Variants in ATP9B observed in about 807,000 individuals in gnomAD.
ATP9B encodes the protein probable phospholipid-transporting ATPase IIB.
Under a neutral mutation model 146.1 loss-of-function variants are expected in ATP9B, and 110 were observed. The observed-to-expected ratio is 0.75, with a 90% CI of 0.65 to 0.88. The LOEUF is 0.88. Among genes scored for constraint, ATP9B ranks in the 40% least tolerant of loss-of-function variants. The pLI is 0.00. For synonymous variants in ATP9B, 604 were observed against 569.7 expected, an observed-to-expected ratio of 1.06 and a Z score of -0.86; for missense variants, 1,499 against 1,496.4, an observed-to-expected ratio of 1.00 and a Z score of -0.03.
At chr18:79,184,530 G>C (rs371360620) in intron 8 of ATP9B, among the ~76,000 whole-genome samples, 11 of 151,730 alleles carry the variant, frequency 7.2e-5, no homozygotes, top group East Asian at 5.8e-4. Flanking sequence ...AAATAAGTCT[G>C]TTCTATTATC....
At chr18:79,127,130 A>G (rs1033140889) in intron 5 of ATP9B, among the ~76,000 whole-genome samples, 2 of 152,218 alleles carry the variant, frequency 1.3e-5, no homozygotes, top group African/African-American at 2.4e-5. Flanking sequence ...GACATTTACA[A>G]TGAATTATTT....
rs563810704 is a variant in ATP9B, at chr18:79,249,348, G to A, written c.1108-4033G>A. ...GACATTATGCACAAATTTTCCCTTGGAGATTAAAATTTGCAGTAGCATATT... is the reference window on the plus strand; with the variant it reads ...GACATTATGCACAAATTTTCCCTTGAAGATTAAAATTTGCAGTAGCATATT... On this transcript the variant is annotated intron_variant, in intron 11 of 29. Coordinates refer to ENST00000426216, the MANE Select transcript of ATP9B (RefSeq NM_198531.5). Among the ~76,000 whole-genome samples, 4 of 152,236 alleles carry A rather than the reference G, an allele frequency of 2.6e-5. No homozygotes were observed. The South Asian group carries it at 8.3e-4, about 32-fold the overall frequency.
At chr18:79,107,169 C>G (rs1286951443) in intron 2 of ATP9B, among the ~76,000 whole-genome samples, 1 of 152,130 alleles carries the variant, frequency 6.6e-6, no homozygotes, top group Non-Finnish European at 1.5e-5. Flanking sequence ...TGAAGCCTGT[C>G]TTGCACCTGT....
intron 9 of ATP9B, among the ~76,000 whole-genome samples, chr18:79,204,100 C>T (rs1403276244): frequency 1.4e-4 from 22 of 152,148 alleles, no homozygotes; most frequent in Admixed American, 1.4e-3. Context: ...GATTGTTTAT[C>T]TTAGCATTGA....
intron 2 of ATP9B, among the ~76,000 whole-genome samples, chr18:79,104,504 C>G (rs1025193672): frequency 3.3e-5 from 5 of 152,124 alleles, no homozygotes; most frequent in Non-Finnish European, 5.9e-5. Context: ...TTAGAATGTT[C>G]TCAGTCTCAT....
At chr18:79,302,315 G>A (rs758559721) in intron 13 of ATP9B, among the ~76,000 whole-genome samples, 5 of 151,314 alleles carry the variant, frequency 3.3e-5, no homozygotes, top group East Asian at 1.9e-4. Context: ...AAAGCAGCAC[G>A]TTGTGAAATA....
chr18:79,204,305 G>A (rs1054795147), intron 9 of ATP9B, among the ~76,000 whole-genome samples: 3 of 152,162 alleles, frequency 2.0e-5, no homozygotes, highest in Non-Finnish European at 4.4e-5. Context: ...TTTCATTCCA[G>A]TGTATTTTGA....
chr18:79,127,505 T>G (rs2094307084), intron 5 of ATP9B, among the ~76,000 whole-genome samples: 1 of 152,238 alleles, frequency 6.6e-6, no homozygotes. Flanking sequence ...TGGACATGTT[T>G]TCAAGGTTCA....
chr18:79,106,315 T>C (rs964703679), intron 2 of ATP9B, among the ~76,000 whole-genome samples: 1 of 152,240 alleles, frequency 6.6e-6, no homozygotes, highest in African/African-American at 2.4e-5. Flanking sequence ...CCAGTATGCT[T>C]TCCTCACATT....
chr18:79,156,428 A>G (rs1041808139), intron 7 of ATP9B, among the ~76,000 whole-genome samples: 26 of 152,310 alleles, frequency 1.7e-4, no homozygotes, highest in African/African-American at 6.0e-4. Flanking sequence ...TGCTGGTTAG[A>G]TGGCCATGAC....
chr18:79,168,549 T>C (rs1031222095), intron 7 of ATP9B, among the ~76,000 whole-genome samples: 60 of 152,102 alleles, frequency 3.9e-4, no homozygotes, highest in Non-Finnish European at 4.4e-4. Context: ...TGGGGTACTT[T>C]ACCTCTGAGC....
intron 13 of ATP9B, among the ~76,000 whole-genome samples, chr18:79,298,731 TG>T (rs2096569945): frequency 6.8e-6 from 1 of 146,590 alleles, no homozygotes; most frequent in Admixed American, 7.0e-5. Context: ...GATTTTTCAA[TG>T]GATACAGAAC....
chr18:79,335,155 T>C (rs2096816785), intron 17 of ATP9B, among the ~76,000 whole-genome samples: 1 of 152,204 alleles, frequency 6.6e-6, no homozygotes, highest in African/African-American at 2.4e-5. Context: ...CCGCTGGCTA[T>C]GTGGAAATGC....
intron 25 of ATP9B, among the ~76,000 whole-genome samples, chr18:79,356,333 C>T (rs2096952867): frequency 6.6e-6 from 1 of 151,672 alleles, no homozygotes; most frequent in Admixed American, 6.6e-5. Flanking sequence ...TCACTCGGCA[C>T]TCGTTTCCAA....
chr18:79,192,304 T>C (rs1200775278), intron 8 of ATP9B, among the ~76,000 whole-genome samples: 1 of 152,084 alleles, frequency 6.6e-6, no homozygotes, highest in African/African-American at 2.4e-5. Context: ...ATCAAAATTA[T>C]AGAAATGGCA....
intron 5 of ATP9B, among the ~76,000 whole-genome samples, chr18:79,143,131 G>T (rs2094534068): frequency 6.6e-6 from 1 of 152,052 alleles, no homozygotes. Context: ...GGGAGGGAAT[G>T]AATTTGCCTG....
chr18:79,113,845 A>G (rs1021353023), intron 4 of ATP9B, among the ~76,000 whole-genome samples: 3 of 152,206 alleles, frequency 2.0e-5, no homozygotes, highest in Non-Finnish European at 4.4e-5. Flanking sequence ...GAATGTTTCC[A>G]TTTCAAATAT....
intron 19 of ATP9B, among the ~76,000 whole-genome samples, chr18:79,341,157 T>C (rs944745219): frequency 7.0e-4 from 101 of 143,556 alleles, no homozygotes; most frequent in East Asian, 1.7e-3. Context: ...CTCGTTGAAG[T>C]CTGTGTTGCC....
chr18:79,337,515 G>GCATGGTGATTTGTGAAACTCCTGTGGGGT (rs1213926459), intron 19 of ATP9B, 66 bp downstream of exon 19: 29 of 1,554,114 alleles, frequency 1.9e-5, no homozygotes, highest in Non-Finnish European at 2.3e-5. Flanking sequence ...TTTTCCTTGG[G>GCATGGTGATTTGTGAAACTCCTGTGGGGT]CATGGTGATT....
Sources: gnomAD v4.1 joint callset for allele counts (sites outside exome capture counted in the v4.1 genomes callset) on GRCh38, gnomAD v4.1.1 for gene constraint, MANE v1.5 for transcripts, NCBI Gene and HGNC (gene_info 2026-07-23, HGNC 2026-07-21) for gene names.